Variants in KCNQ5 observed in about 807,000 individuals in gnomAD.
The protein encoded by KCNQ5 is potassium voltage-gated channel subfamily Q member 5.
A neutral mutation model predicts 98.2 loss-of-function variants in KCNQ5; 30 were observed. The observed-to-expected ratio is 0.31, with a 90% CI of 0.23 to 0.41. The LOEUF (loss-of-function observed/expected upper bound fraction) is 0.41. KCNQ5 is among the 10% of genes least tolerant of loss of function. The pLI is 1.00. For synonymous variants in KCNQ5, 458 were observed against 449.4 expected (o/e 1.02, Z -0.24); for missense variants, 835 against 1,182.5 (o/e 0.71, Z 4.31).
intron 1 of KCNQ5, among the ~76,000 whole-genome samples, chr6:72,889,022 G>A (rs1778957373): frequency 6.6e-6 from 1 of 152,028 alleles, no homozygotes; most frequent in African/African-American, 2.4e-5. Flanking sequence ...AAGTTATATA[G>A]GACATTAAAG....
intron 3 of KCNQ5, among the ~76,000 whole-genome samples, chr6:73,072,813 A>G (rs1288099811): frequency 2.6e-5 from 4 of 152,160 alleles, no homozygotes; most frequent in African/African-American, 9.7e-5. Context: ...CTTATAATCA[A>G]TAGCTCTTTC....
At chr6:72,821,584 C>T (rs975683354) in intron 1 of KCNQ5, among the ~76,000 whole-genome samples, 23 of 151,228 alleles carry the variant, frequency 1.5e-4, no homozygotes, top group Admixed American at 1.3e-3. Context: ...GACAGATTAG[C>T]CAGCTGCTCA....
At chr6:72,827,469 C>G (rs1293209172) in intron 1 of KCNQ5, among the ~76,000 whole-genome samples, 1 of 152,060 alleles carries the variant, frequency 6.6e-6, no homozygotes, top group Non-Finnish European at 1.5e-5. Context: ...TTGCATTTTC[C>G]TGATGATTAG....
intron 1 of KCNQ5, among the ~76,000 whole-genome samples, chr6:72,837,104 G>A (rs138939646): frequency 1.9e-3 from 291 of 152,180 alleles, no homozygotes; most frequent in African/African-American, 6.6e-3. Context: ...GAACCACTTA[G>A]CACCTCCTGG....
intron 1 of KCNQ5, among the ~76,000 whole-genome samples, chr6:72,941,433 TCCC>T (rs1263812040): frequency 6.5e-4 from 83 of 127,068 alleles, no homozygotes; most frequent in Middle Eastern, 3.7e-3. Flanking sequence ...CCTTCCTCCT[TCCC>T]TCCCTCTCTT....
chr6:72,791,129 G>A (rs529264588), intron 1 of KCNQ5, among the ~76,000 whole-genome samples: 1 of 152,160 alleles, frequency 6.6e-6, no homozygotes, highest in Non-Finnish European at 1.5e-5. Flanking sequence ...GAGGCCTCTC[G>A]GGAGAAGCAG....
chr6:73,051,722 A>C (rs1267497626), intron 3 of KCNQ5, among the ~76,000 whole-genome samples: 12 of 143,116 alleles, frequency 8.4e-5, no homozygotes, highest in African/African-American at 2.2e-4. Context: ...AAAAAAAAAA[A>C]AAAAAAAAAA....
intron 10 of KCNQ5, among the ~76,000 whole-genome samples, chr6:73,160,922 G>T (rs963889180): frequency 6.6e-6 from 1 of 152,044 alleles, no homozygotes; most frequent in African/African-American, 2.4e-5. Flanking sequence ...TGCAGCCAAG[G>T]TTGAAACCCA....
intron 1 of KCNQ5, among the ~76,000 whole-genome samples, chr6:72,989,642 C>A (rs1476932533): frequency 4.7e-3 from 1 of 214 alleles, no homozygotes; most frequent in Non-Finnish European, 8.2e-3. Context: ...TTTTGCTGTG[C>A]AGAAGCTCTT....
At chr6:73,185,954 G>A (rs1311864170) in intron 11 of KCNQ5, among the ~76,000 whole-genome samples, 1 of 152,216 alleles carries the variant, frequency 6.6e-6, no homozygotes, top group Non-Finnish European at 1.5e-5. Flanking sequence ...GCCAAGTGCA[G>A]TGGTTCATGC....
At chr6:73,066,918 C>T (rs1773081679) in intron 3 of KCNQ5, among the ~76,000 whole-genome samples, 1 of 152,158 alleles carries the variant, frequency 6.6e-6, no homozygotes, top group African/African-American at 2.4e-5. Flanking sequence ...ACATGATATA[C>T]ATGGGACACT....
At chr6:72,662,870 C>T (rs754063646) in intron 1 of KCNQ5, among the ~76,000 whole-genome samples, 6 of 151,942 alleles carry the variant, frequency 3.9e-5, no homozygotes, top group South Asian at 2.1e-4. Flanking sequence ...ATAAATAAAC[C>T]GCATTTATTG....
intron 3 of KCNQ5, among the ~76,000 whole-genome samples, chr6:73,064,460 T>A (rs1468957206): frequency 6.6e-6 from 1 of 152,192 alleles, no homozygotes; most frequent in Non-Finnish European, 1.5e-5. Flanking sequence ...TGGAATTTCA[T>A]CATAGGATGT....
chr6:73,031,931 C>A (rs982991294), intron 2 of KCNQ5, among the ~76,000 whole-genome samples: 2 of 152,138 alleles, frequency 1.3e-5, no homozygotes, highest in South Asian at 4.1e-4. Context: ...GCTATAAGAA[C>A]AGAGACATAA....
At chr6:73,156,058 TTAAAGGAA>T (rs1777350648) in intron 10 of KCNQ5, among the ~76,000 whole-genome samples, 4 of 152,164 alleles carry the variant, frequency 2.6e-5, no homozygotes, top group Admixed American at 1.3e-4. Flanking sequence ...TCTAGTTGGA[TTAAAGGAA>T]TTGTCTTTGG....
At chr6:73,103,163 G>A (rs938294536) in intron 5 of KCNQ5, among the ~76,000 whole-genome samples, 1 of 152,166 alleles carries the variant, frequency 6.6e-6, no homozygotes, top group Non-Finnish European at 1.5e-5. Context: ...ATGGATGCAA[G>A]CGGAGCTCAT....
chr6:73,102,612 T>A (rs1774832689), intron 5 of KCNQ5, among the ~76,000 whole-genome samples: 1 of 152,066 alleles, frequency 6.6e-6, no homozygotes, highest in African/African-American at 2.4e-5. Context: ...AAGATGACAT[T>A]ACAAACCACA....
intron 1 of KCNQ5, among the ~76,000 whole-genome samples, chr6:72,696,253 T>C (rs943793396): frequency 2.0e-5 from 3 of 152,318 alleles, no homozygotes; most frequent in African/African-American, 7.2e-5. Flanking sequence ...AACAGTGGAA[T>C]ATTATACAGC....
At chr6:72,767,453 A>G (rs1349641244) in intron 1 of KCNQ5, among the ~76,000 whole-genome samples, 1 of 152,036 alleles carries the variant, frequency 6.6e-6, no homozygotes, top group Non-Finnish European at 1.5e-5. Context: ...TATGACACCA[A>G]AAACCCAGCA....
Sources: allele counts gnomAD v4.1 joint callset (sites outside exome capture counted in the v4.1 genomes callset), GRCh38; gene constraint gnomAD v4.1.1; transcripts MANE v1.5; gene names NCBI Gene and HGNC (gene_info 2026-07-23, HGNC 2026-07-21).